PACS1: variants seen among roughly 807,000 people sequenced by gnomAD.
PACS1 encodes the protein phosphofurin acidic cluster sorting protein 1.
A neutral mutation model predicts 115.0 loss-of-function variants in PACS1; 24 were observed. The observed-to-expected ratio is 0.21, with a 90% CI of 0.15 to 0.29. The LOEUF (loss-of-function observed/expected upper bound fraction) is 0.29, where lower values mean the gene tolerates loss of function less well. PACS1 is among the 10% of genes least tolerant of loss of function. The pLI is 1.00. For missense variants in PACS1, 838 were observed against 1,251.2 expected (o/e 0.67, Z 4.98); for synonymous variants, 453 against 504.5 (o/e 0.90, Z 1.37).
intron 2 of PACS1, among the ~76,000 whole-genome samples, chr11:66,201,952 G>A (rs1182204947): frequency 4.6e-5 from 7 of 151,974 alleles, no homozygotes; most frequent in Middle Eastern, 3.4e-3. Flanking sequence ...CATCACACCC[G>A]GCCAAAGAGT....
intron 4 of PACS1, among the ~76,000 whole-genome samples, chr11:66,212,298 ATTTT>A (rs763631322): frequency 7.1e-6 from 1 of 140,762 alleles, no homozygotes; most frequent in Non-Finnish European, 1.6e-5. Flanking sequence ...TGCCCAGCTA[ATTTT>A]TTTTTTTTTT....
At chr11:66,186,422 T>A (rs1431817792) in intron 1 of PACS1, among the ~76,000 whole-genome samples, 1 of 152,148 alleles carries the variant, frequency 6.6e-6, no homozygotes, top group South Asian at 2.1e-4. Flanking sequence ...CCCCTCAACC[T>A]AGAACTTCTC....
At chr11:66,223,396 T>A (rs937425692) in intron 10 of PACS1, among the ~76,000 whole-genome samples, 2 of 1,368 alleles carry the variant, frequency 1.5e-3, no homozygotes, top group African/African-American at 2.6e-3. Flanking sequence ...GCCCGGCCTA[T>A]TTTTTTTTTT....
rs757291672 is a variant in PACS1, at chr11:66,242,460, T to C, written c.2657-452T>C. 5.5e-4 allele frequency among the ~76,000 whole-genome samples: 84 copies of C among 152,338 alleles called. 1 individual carries two copies. The highest frequency in any genetic ancestry group is 6.2e-4 in the Non-Finnish European group (42 of 68,018). ...CAAGGGGAAGCTGCCTGCTCAGCAG[T>C]GACCTCCCTGCCCTTGCTTCCTTTC... is the stretch of plus-strand genomic sequence containing the variant. On this transcript the variant is annotated intron_variant, in intron 22 of 23. Transcript: ENST00000320580.
At chr11:66,074,431 T>C (rs1857360624) in intron 1 of PACS1, among the ~76,000 whole-genome samples, 1 of 152,164 alleles carries the variant, frequency 6.6e-6, no homozygotes, top group South Asian at 2.1e-4. Context: ...TGTTGATCCC[T>C]TCCCTTCTGC....
chr11:66,079,428 T>C (rs1857449041), intron 1 of PACS1, among the ~76,000 whole-genome samples: 1 of 151,902 alleles, frequency 6.6e-6, no homozygotes. Context: ...CACTAACCTT[T>C]TCCTGCCTCT....
At chr11:66,135,800 G>A (rs1364316286) in intron 1 of PACS1, among the ~76,000 whole-genome samples, 2 of 152,008 alleles carry the variant, frequency 1.3e-5, no homozygotes, top group Non-Finnish European at 2.9e-5. Flanking sequence ...GGGATTACAG[G>A]TGCCTACCAC....
chr11:66,222,467 G>A (rs1324587015), intron 10 of PACS1, among the ~76,000 whole-genome samples: 1 of 152,174 alleles, frequency 6.6e-6, no homozygotes, highest in African/African-American at 2.4e-5. Context: ...TCACAGGCAG[G>A]GGTGGGTGTG....
chr11:66,110,483 ATT>A (rs1183309320), intron 1 of PACS1, among the ~76,000 whole-genome samples: 1 of 151,896 alleles, frequency 6.6e-6, no homozygotes, highest in Non-Finnish European at 1.5e-5. Context: ...ATGCCTCTTG[ATT>A]TTAATGGCAT....
In PACS1 at chr11:66,235,762, C is replaced by G; in HGVS notation, c.2208-136C>G. 1.2e-6 allele frequency: 1 copy of G among 804,046 alleles called. No homozygotes were observed. Among genetic ancestry groups the G allele is most frequent in the Non-Finnish European group, 2.2e-6 (1 of 448,998 alleles). The allele number at this position is 804,046 out of a possible 1,614,324, so 49.8% of individuals were successfully genotyped here. ...AAGTCCCAGACCTTCCCCATGCCAC[C>G]CCAGGATGTGATGGGCAGAGGCAGC... On this transcript the variant is annotated intron_variant, in intron 18 of 23. Coordinates refer to ENST00000320580, the MANE Select transcript of PACS1 (RefSeq NM_018026.4). The surrounding 1 kb of genome is among the most constrained non-coding windows in gnomAD (Gnocchi z 5.6).
chr11:66,184,714 C>G (rs1860082560), intron 1 of PACS1, among the ~76,000 whole-genome samples: 1 of 152,200 alleles, frequency 6.6e-6, no homozygotes, highest in Non-Finnish European at 1.5e-5. Flanking sequence ...TAATTATGCA[C>G]TGTCACGTTT....
At chr11:66,201,357 C>T (rs1230098755) in intron 2 of PACS1, among the ~76,000 whole-genome samples, 2 of 151,910 alleles carry the variant, frequency 1.3e-5, no homozygotes, top group Admixed American at 1.3e-4. Flanking sequence ...ACCAGTGGGT[C>T]AATGAATAAA....
At chr11:66,226,846 G>C (rs2134728650) in intron 10 of PACS1, among the ~76,000 whole-genome samples, 1 of 152,344 alleles carries the variant, frequency 6.6e-6, no homozygotes, top group African/African-American at 2.4e-5. Context: ...TTGAGTTGCT[G>C]TCTGCACAGC....
intron 1 of PACS1, among the ~76,000 whole-genome samples, chr11:66,162,111 G>GGT: frequency 8.7e-6 from 1 of 114,812 alleles, no homozygotes; most frequent in South Asian, 2.9e-4. Context: ...TGGTGGTGGT[G>GGT]GTTTTTTTTT....
At chr11:66,149,823 C>G (rs1456355871) in intron 1 of PACS1, among the ~76,000 whole-genome samples, 1 of 152,122 alleles carries the variant, frequency 6.6e-6, no homozygotes, top group Non-Finnish European at 1.5e-5. Context: ...GATCTCGGCT[C>G]ACTGCAACCT....
chr11:66,224,174 T>TA (rs1484974766), intron 10 of PACS1, among the ~76,000 whole-genome samples: 1 of 107,078 alleles, frequency 9.3e-6, no homozygotes, highest in African/African-American at 3.7e-5. Context: ...CCAGCCTGGG[T>TA]AACAGAGCAA....
chr11:66,184,336 AAAGAG>A (rs1860072776), intron 1 of PACS1, among the ~76,000 whole-genome samples: 1 of 151,000 alleles, frequency 6.6e-6, no homozygotes, highest in Non-Finnish European at 1.5e-5. Flanking sequence ...AAAAAAAAAA[AAAGAG>A]ATGAGAGGGG....
intron 7 of PACS1, chr11:66,218,787 G>A (rs1892939): frequency 0.39 from 59,180 of 151,346 alleles, 12,880 homozygotes; most frequent in Non-Finnish European, 0.48. Context: ...TTGAACCAGG[G>A]AGGCAGAGGT....
At chr11:66,104,258 C>T (rs575680925) in intron 1 of PACS1, among the ~76,000 whole-genome samples, 4 of 152,032 alleles carry the variant, frequency 2.6e-5, no homozygotes, top group East Asian at 1.9e-4. Context: ...TGGCATTGGG[C>T]GGAAAGGAAA....
Sources: gnomAD v4.1 joint callset for allele counts (sites outside exome capture counted in the v4.1 genomes callset) on GRCh38, gnomAD v4.1.1 for gene constraint, Gnocchi (gnomAD v3.1) non-coding constraint, MANE v1.5 for transcripts, NCBI Gene and HGNC (gene_info 2026-07-23, HGNC 2026-07-21) for gene names.